The following HLCS variants were observed in gnomAD, a reference collection of about 807,000 sequenced individuals.
HLCS encodes biotin--protein ligase.
In HLCS, 53 loss-of-function variants were observed where a neutral mutation model predicts 75.0. The ratio of observed to expected loss-of-function variants is 0.71; its 90% CI spans 0.57 to 0.89. The LOEUF is 0.89. Ranked by LOEUF, HLCS falls within the 40% of genes least tolerant of loss-of-function variation. The probability of loss-of-function intolerance (pLI) is 0.00; values close to 1 mark genes in which losing one functional copy is unlikely to be tolerated. For missense variants in HLCS, 966 were observed against 1,074.0 expected (o/e 0.90, Z 1.41); for synonymous variants, 431 against 428.6 (o/e 1.01, Z -0.07).
chr21:36,882,114 C>T (rs1164675747), intron 6 of HLCS, among the ~76,000 whole-genome samples: 1 of 151,946 alleles, frequency 6.6e-6, no homozygotes, highest in Non-Finnish European at 1.5e-5. Flanking sequence ...AACCCCGTCT[C>T]TACTAAAAAT....
At chr21:36,813,177 T>A (rs2061561123) in intron 6 of HLCS, among the ~76,000 whole-genome samples, 1 of 152,224 alleles carries the variant, frequency 6.6e-6, no homozygotes. Flanking sequence ...ACGAGGAATG[T>A]CACTTTACCA....
intron 5 of HLCS, among the ~76,000 whole-genome samples, chr21:36,902,461 T>C (rs1051753334): frequency 1.3e-5 from 2 of 152,186 alleles, no homozygotes; most frequent in Admixed American, 1.3e-4. Context: ...ATGACCCCAC[T>C]GGCTGCAGAA....
At chr21:36,828,015 G>A (rs1206388593) in intron 6 of HLCS, among the ~76,000 whole-genome samples, 7 of 151,930 alleles carry the variant, frequency 4.6e-5, no homozygotes, top group Non-Finnish European at 7.4e-5. Context: ...GGGTTTCACC[G>A]TGTTAGCCAG....
At chr21:36,825,163 C>T (rs1178770620) in intron 6 of HLCS, among the ~76,000 whole-genome samples, 1 of 152,122 alleles carries the variant, frequency 6.6e-6, no homozygotes, top group Admixed American at 6.6e-5. Flanking sequence ...AAGAGGACTG[C>T]TTGAGGCCAG....
chr21:36,749,950 T>G lies in HLCS; in HGVS notation c.*4296A>C, dbSNP rs986140207. On this transcript the variant is annotated 3_prime_UTR_variant, in exon 11 of 11. Coordinates refer to ENST00000674895, the MANE Select transcript of HLCS (RefSeq NM_001352514.2). ...GTGGACAGGCGTAACAGAGTGTGTA[T>G]GTACTTGAAAATGTGTACTAGTGAA... 6.6e-6 allele frequency: 1 copy of G among 152,242 alleles called. No individual in the cohort carries two copies. Among genetic ancestry groups the G allele is most frequent in the Non-Finnish European group, 1.5e-5 (1 of 68,034 alleles). 9.4% of individuals were successfully genotyped at this position (152,242 alleles called of 1,614,324 possible). A position where few individuals can be genotyped will look rare whatever the true frequency, so the allele number is the denominator to read the frequency against.
At chr21:36,898,777 G>T (rs2065119061) in intron 5 of HLCS, among the ~76,000 whole-genome samples, 1 of 151,682 alleles carries the variant, frequency 6.6e-6, no homozygotes, top group Non-Finnish European at 1.5e-5. Flanking sequence ...GGGTACTGTG[G>T]GGGCCAGGCG....
At chr21:36,820,185 G>C (rs2061786590) in intron 6 of HLCS, among the ~76,000 whole-genome samples, 1 of 151,670 alleles carries the variant, frequency 6.6e-6, no homozygotes, top group Non-Finnish European at 1.5e-5. Context: ...CTTCCCATGA[G>C]TTGGGGACTA....
intron 3 of HLCS, 130 bp from the exon 4 acceptor site, chr21:36,937,522 G>A: frequency 1.2e-6 from 1 of 819,998 alleles, no homozygotes; most frequent in Non-Finnish European, 2.0e-6. Flanking sequence ...CTCTGGCACG[G>A]CTCCCACCTG....
intron 6 of HLCS, among the ~76,000 whole-genome samples, chr21:36,793,901 ATGC>A (rs992854779): frequency 2.0e-5 from 3 of 152,216 alleles, no homozygotes; most frequent in African/African-American, 4.8e-5. Flanking sequence ...TCTCATGAAG[ATGC>A]TGCTTCAGTC....
intron 6 of HLCS, among the ~76,000 whole-genome samples, chr21:36,831,847 G>A (rs2062222165): frequency 6.6e-6 from 1 of 152,068 alleles, no homozygotes; most frequent in Non-Finnish European, 1.5e-5. Context: ...CTATATTTCA[G>A]TTTCAGAACT....
At chr21:36,779,858 C>T (rs1161641593) in intron 6 of HLCS, among the ~76,000 whole-genome samples, 4 of 152,008 alleles carry the variant, frequency 2.6e-5, no homozygotes, top group African/African-American at 4.8e-5. Flanking sequence ...GGTTCAGAGT[C>T]GGAACTGTAC....
chr21:36,823,652 C>T (rs1405642089), intron 6 of HLCS, among the ~76,000 whole-genome samples: 1 of 87,768 alleles, frequency 1.1e-5, no homozygotes, highest in African/African-American at 5.5e-5. Flanking sequence ...TGTGTGTACA[C>T]ATGTGCTTCA....
intron 2 of HLCS, among the ~76,000 whole-genome samples, chr21:36,958,852 TG>T (rs1158725180): frequency 6.6e-6 from 1 of 152,240 alleles, no homozygotes; most frequent in Non-Finnish European, 1.5e-5. Flanking sequence ...ACTTTAGGAA[TG>T]TCATTTAATC....
chr21:36,950,392 T>C (rs957708801), intron 2 of HLCS, among the ~76,000 whole-genome samples: 5 of 151,976 alleles, frequency 3.3e-5, no homozygotes, highest in Admixed American at 6.6e-5. Flanking sequence ...AAGTGGAACA[T>C]ACGTGCATTG....
intron 7 of HLCS, 64 bp downstream of exon 7, chr21:36,767,154 G>T: frequency 6.6e-7 from 1 of 1,507,872 alleles, no homozygotes; most frequent in Non-Finnish European, 9.2e-7. Flanking sequence ...TGGGCTCCTG[G>T]GCCACAAGAG....
intron 1 of HLCS, among the ~76,000 whole-genome samples, chr21:36,983,243 C>T (rs891376905): frequency 6.6e-6 from 1 of 151,996 alleles, no homozygotes; most frequent in African/African-American, 2.4e-5. Flanking sequence ...CAGAGTCTCA[C>T]TCTGTCACCC....
In HLCS at chr21:36,784,841, A is replaced by T. The variant is rs536278265; in HGVS notation, c.1893-17556T>A. On this transcript the variant is annotated intron_variant, in intron 6 of 10. Transcript: ENST00000674895. The stretch of plus-strand genomic sequence containing the variant: ...TTCTGTGCTATGTGTCTGAACAGTT[A>T]TTTTCCCAGCTCTGTACGTATTCTG... 1.8e-4 allele frequency among the ~76,000 whole-genome samples: 28 copies of T among 152,152 alleles called. No individual in the cohort carries two copies. The South Asian group carries it at 3.1e-3, about 17-fold the overall frequency.
intron 6 of HLCS, among the ~76,000 whole-genome samples, chr21:36,808,457 T>C (rs1296921105): frequency 6.6e-6 from 1 of 152,234 alleles, no homozygotes; most frequent in South Asian, 2.1e-4. Context: ...TATTTACATT[T>C]TTAAGTTGGC....
intron 5 of HLCS, among the ~76,000 whole-genome samples, chr21:36,910,280 A>C (rs11911767): frequency 0.36 from 54,639 of 152,064 alleles, 10,194 homozygotes; most frequent in Middle Eastern, 0.47. Context: ...CGCAGTGGCT[A>C]ATGCCTGTAA....
Sources: gnomAD v4.1 joint callset for allele counts (sites outside exome capture counted in the v4.1 genomes callset) on GRCh38, gnomAD v4.1.1 for gene constraint, MANE v1.5 for transcripts, NCBI Gene and HGNC (gene_info 2026-07-23, HGNC 2026-07-21) for gene names.